KLHL13: variants seen among roughly 807,000 people sequenced by gnomAD.
The protein encoded by KLHL13 is kelch like family member 13, also known as kelch-like protein 13.
In KLHL13, 10 loss-of-function variants were observed where a neutral mutation model predicts 37.1. The ratio of observed to expected loss-of-function variants is 0.27; its 90% CI spans 0.17 to 0.46. The LOEUF is 0.46. Among genes scored for constraint, KLHL13 ranks in the 20% least tolerant of loss-of-function variants. KLHL13 has a pLI of 1.00. For missense variants in KLHL13, 360 were observed against 509.3 expected (o/e 0.71, Z 2.82); for synonymous variants, 163 against 181.2 (o/e 0.90, Z 0.81).
At chrX:118,043,229 G>T (rs1249192635) in intron 1 of KLHL13, among the ~76,000 whole-genome samples, 1 of 111,581 alleles carries the variant, frequency 9.0e-6, no homozygotes, top group East Asian at 2.8e-4. Context: ...CAAGTAATGA[G>T]ATTGCAACTG....
At chrX:118,069,166 C>A (rs2054828794) in intron 1 of KLHL13, among the ~76,000 whole-genome samples, 1 of 108,165 alleles carries the variant, frequency 9.2e-6, no homozygotes, top group Non-Finnish European at 1.9e-5. Context: ...TGAACTGAAA[C>A]TGAAAATTGC....
chrX:118,069,267 T>G (rs978144468), intron 1 of KLHL13, among the ~76,000 whole-genome samples: 1 of 109,906 alleles, frequency 9.1e-6, no homozygotes, highest in Non-Finnish European at 1.9e-5. Context: ...CCATAGGAAA[T>G]GACAGCTCCA....
In KLHL13 at chrX:117,903,179, C is replaced by CGAGAGAGAGAGAGAGA. The variant is rs56692141; in HGVS notation, c.1367-1249_1367-1234dup. Among the ~76,000 whole-genome samples the CGAGAGAGAGAGAGAGA allele has an allele frequency of 3.4e-3, 314 of 92,194 alleles. 2 individuals carry two copies. Among genetic ancestry groups the CGAGAGAGAGAGAGAGA allele is most frequent in the African/African-American group, 0.012 (285 of 23,883 alleles). The allele number at this position is 92,194 out of a possible 115,157, so 80.1% of individuals were successfully genotyped here. On this transcript the variant is annotated intron_variant, in intron 5 of 6. Coordinates refer to ENST00000262820, the Ensembl canonical transcript of KLHL13. ...ACACAGAGAGAGAGAGAGAGGAGAG[C>CGAGAGAGAGAGAGAGA]GAGAGAGAGAGAGAGAGAGAGAGAG...
chrX:117,972,863 C>A, exon 1 of KLHL13: 1 of 1,203,540 alleles, frequency 8.3e-7, no homozygotes, highest in Non-Finnish European at 1.1e-6. Flanking sequence ...CAGTAAAGAG[C>A]GTTTCCATAA....
chrX:118,038,508 A>C (rs1241949928), intron 1 of KLHL13, among the ~76,000 whole-genome samples: 3 of 111,294 alleles, frequency 2.7e-5, no homozygotes, highest in Non-Finnish European at 5.7e-5. Flanking sequence ...GAGAGATTGC[A>C]GTAATGGGGA....
At chrX:118,056,978 T>C (rs902285109) in intron 1 of KLHL13, among the ~76,000 whole-genome samples, 1 of 112,324 alleles carries the variant, frequency 8.9e-6, no homozygotes, top group African/African-American at 3.2e-5. Flanking sequence ...AGAGTATTTA[T>C]TCCCCTGTCA....
intron 4 of KLHL13, among the ~76,000 whole-genome samples, chrX:117,918,903 C>A (rs1242094995): frequency 8.9e-6 from 1 of 112,108 alleles, no homozygotes; most frequent in Non-Finnish European, 1.9e-5. Context: ...ATTTAAGAAG[C>A]CTGCTTGTAT....
At chrX:117,920,782 T>C (rs762388296) in intron 2 of KLHL13, among the ~76,000 whole-genome samples, 29 of 111,400 alleles carry the variant, frequency 2.6e-4, no homozygotes, top group African/African-American at 9.4e-4. Flanking sequence ...TGAAGCATCT[T>C]GGTTTTGTTT....
At chrX:117,964,861 G>C (rs1318943615) in intron 1 of KLHL13, among the ~76,000 whole-genome samples, 2 of 110,957 alleles carry the variant, frequency 1.8e-5, no homozygotes. Context: ...CCTTGTGATA[G>C]TTTGCTGAGA....
intron 2 of KLHL13, among the ~76,000 whole-genome samples, chrX:117,943,465 A>G (rs967265248): frequency 9.1e-6 from 1 of 110,437 alleles, no homozygotes; most frequent in Non-Finnish European, 1.9e-5. Flanking sequence ...AGGTACACCA[A>G]TCTAACTTAG....
At chrX:117,916,753 T>A (rs1009931802) in intron 4 of KLHL13, among the ~76,000 whole-genome samples, 1 of 112,410 alleles carries the variant, frequency 8.9e-6, no homozygotes, top group Non-Finnish European at 1.9e-5. Context: ...TAGAAGGGAA[T>A]TTTTCTGTCT....
intron 1 of KLHL13, among the ~76,000 whole-genome samples, chrX:118,046,948 T>C (rs1177299648): frequency 2.7e-5 from 3 of 111,497 alleles, no homozygotes; most frequent in African/African-American, 9.8e-5. Context: ...TCAATATCAG[T>C]GGGGAGAACT....
At chrX:117,938,574 C>G (rs772537913) in intron 2 of KLHL13, among the ~76,000 whole-genome samples, 2 of 111,355 alleles carry the variant, frequency 1.8e-5, no homozygotes, top group Non-Finnish European at 3.8e-5. Context: ...AGAACCATTG[C>G]TTTAAATATC....
At chrX:118,088,355 T>C (rs2055078544) in intron 1 of KLHL13, among the ~76,000 whole-genome samples, 1 of 112,193 alleles carries the variant, frequency 8.9e-6, no homozygotes. Flanking sequence ...TTAAGCATTA[T>C]ATATAATACA....
At chrX:117,993,897 C>T (rs2053823725) in intron 1 of KLHL13, among the ~76,000 whole-genome samples, 1 of 109,795 alleles carries the variant, frequency 9.1e-6, no homozygotes, top group African/African-American at 3.3e-5. Context: ...CCACCACGCC[C>T]GGCTAATTTT....
rs1251080677 is a variant in KLHL13, at chrX:118,053,382, T to C, written c.-56+63126A>G. ...GGAAACCATCATTCTCAGCAAACTA[T>C]TGCAAGGACAAAAAACCAAACACCG... On this transcript the variant is annotated intron_variant, in intron 1 of 6. Coordinates refer to the KLHL13 transcript ENST00000371882. Among the ~76,000 whole-genome samples, 9 of 111,289 alleles carry C rather than the reference T, an allele frequency of 8.1e-5. No individual in the cohort carries two copies. In the East Asian group the frequency reaches 2.3e-3, roughly 28 times the overall value.
At chrX:118,075,606 G>C (rs1347359975) in intron 1 of KLHL13, among the ~76,000 whole-genome samples, 1 of 111,221 alleles carries the variant, frequency 9.0e-6, no homozygotes, top group Non-Finnish European at 1.9e-5. Context: ...GGCTTGCTTG[G>C]TGCAAGACCT....
intron 1 of KLHL13, among the ~76,000 whole-genome samples, chrX:117,969,019 T>C (rs1440919704): frequency 9.0e-6 from 1 of 111,443 alleles, no homozygotes; most frequent in Non-Finnish European, 1.9e-5. Flanking sequence ...TTTTTACATA[T>C]CAAAAAATCA....
At chrX:117,974,252 G>A (rs1294323092), upstream of KLHL13, among the ~76,000 whole-genome samples, 27 of 111,605 alleles carry the variant, frequency 2.4e-4, no homozygotes, top group Admixed American at 2.6e-3. Context: ...CACAATCATA[G>A]TACCCTTCTG....
Sources: allele counts gnomAD v4.1 joint callset (sites outside exome capture counted in the v4.1 genomes callset), GRCh38; gene constraint gnomAD v4.1.1; transcripts MANE v1.5; gene names NCBI Gene and HGNC (gene_info 2026-07-23, HGNC 2026-07-21).